The following PCNX2 variants were observed in gnomAD, a reference collection of about 807,000 sequenced individuals.
PCNX2 encodes the protein pecanex-like protein 2.
Under a neutral mutation model 223.8 loss-of-function variants are expected in PCNX2, and 168 were observed. The ratio of observed to expected loss-of-function variants is 0.75; its 90% confidence interval spans 0.66 to 0.85. PCNX2 has a LOEUF of 0.85. Among genes scored for constraint, PCNX2 ranks in the 40% least tolerant of loss-of-function variants. The pLI, the probability that PCNX2 is intolerant of heterozygous loss-of-function variation, is 0.00. For synonymous variants in PCNX2, 1,006 were observed against 1,052.6 expected (o/e 0.96, Z 0.86); for missense variants, 2,507 against 2,675.5 (o/e 0.94, Z 1.39).
At chr1:233,144,190 G>GA (rs552879752) in intron 19 of PCNX2, among the ~76,000 whole-genome samples, 12 of 151,922 alleles carry the variant, frequency 7.9e-5, no homozygotes, top group Admixed American at 1.3e-4. Flanking sequence ...TCAAAAACAT[G>GA]AAAAAAATAC....
At chr1:233,009,117 G>C (rs1385831468) in intron 28 of PCNX2, among the ~76,000 whole-genome samples, 1 of 152,176 alleles carries the variant, frequency 6.6e-6, no homozygotes, top group African/African-American at 2.4e-5. Flanking sequence ...CTGTGTTTCA[G>C]AAATCCCAGC....
chr1:233,300,593 G>T (rs987762769), upstream of PCNX2, among the ~76,000 whole-genome samples: 1 of 152,208 alleles, frequency 6.6e-6, no homozygotes, highest in Non-Finnish European at 1.5e-5. Context: ...GAGTAAGGTA[G>T]CTTTGCAGAG....
intron 19 of PCNX2, among the ~76,000 whole-genome samples, chr1:233,158,126 T>C (rs1226839878): frequency 6.6e-6 from 1 of 152,004 alleles, no homozygotes; most frequent in African/African-American, 2.4e-5. Flanking sequence ...TGATTTTAAT[T>C]TAAATGGGGC....
At chr1:233,207,008 C>CAA (rs142370229) in intron 13 of PCNX2, among the ~76,000 whole-genome samples, 1 of 119,298 alleles carries the variant, frequency 8.4e-6, no homozygotes, top group Non-Finnish European at 1.8e-5. Context: ...GAGACTCCAA[C>CAA]AAAAAAAAAA....
chr1:233,196,611 C>T (rs1680749281), intron 15 of PCNX2, among the ~76,000 whole-genome samples: 1 of 152,014 alleles, frequency 6.6e-6, no homozygotes, highest in Non-Finnish European at 1.5e-5. Context: ...GAAAGATGTT[C>T]AACACTATTC....
chr1:233,189,531 G>A (rs1680300381), intron 15 of PCNX2, among the ~76,000 whole-genome samples: 2 of 152,108 alleles, frequency 1.3e-5, no homozygotes. Context: ...TGAAGGAATT[G>A]CACTAGGAGG....
At chr1:233,177,702 G>T in intron 17 of PCNX2, 100 bp downstream of exon 17, 1 of 1,005,296 alleles carries the variant, frequency 9.9e-7, no homozygotes, top group Non-Finnish European at 1.5e-6. Flanking sequence ...TTCTGTCCTA[G>T]TCCTTCTCAT....
intron 25 of PCNX2, among the ~76,000 whole-genome samples, chr1:233,048,709 C>G (rs1054374626): frequency 6.6e-6 from 1 of 152,012 alleles, no homozygotes; most frequent in Non-Finnish European, 1.5e-5. Context: ...AAAGAGTCAA[C>G]AAAACCAAAA....
intron 5 of PCNX2, 116 bp downstream of exon 5, chr1:233,257,912 A>G (rs1235102915): frequency 1.9e-5 from 26 of 1,361,828 alleles, no homozygotes; most frequent in Non-Finnish European, 2.4e-5. Flanking sequence ...CCAAGCAACA[A>G]ACGATTGCCC....
intron 8 of PCNX2, 64 bp downstream of exon 8, chr1:233,250,675 T>C (rs1659397351): frequency 4.0e-6 from 6 of 1,498,618 alleles, no homozygotes; most frequent in Admixed American, 5.0e-5. Context: ...CCTCACTTTA[T>C]CTTCATCGCT....
chr1:233,041,311 T>A (rs1311863252), intron 25 of PCNX2, among the ~76,000 whole-genome samples: 1 of 152,154 alleles, frequency 6.6e-6, no homozygotes, highest in Non-Finnish European at 1.5e-5. Flanking sequence ...AGGTTGAACA[T>A]CCCAAATTCA....
chr1:233,155,040 C>A (rs1678029780), intron 19 of PCNX2, among the ~76,000 whole-genome samples: 1 of 141,400 alleles, frequency 7.1e-6, no homozygotes, highest in African/African-American at 2.7e-5. Context: ...TGCATTCCAG[C>A]CTGGGCAACA....
At chr1:233,238,567 C>A (rs1014325992) in intron 8 of PCNX2, among the ~76,000 whole-genome samples, 1 of 151,982 alleles carries the variant, frequency 6.6e-6, no homozygotes, top group Admixed American at 6.6e-5. Context: ...GTGGCACATG[C>A]CTGTAGTCCC....
intron 26 of PCNX2, among the ~76,000 whole-genome samples, chr1:233,020,112 C>T (rs371145612): frequency 2.0e-5 from 3 of 152,278 alleles, no homozygotes; most frequent in Non-Finnish European, 2.9e-5. Context: ...ACCCCACAAC[C>T]GATGAAGTCA....
chr1:233,199,545 T>C (rs981544433), intron 14 of PCNX2, among the ~76,000 whole-genome samples: 2 of 152,132 alleles, frequency 1.3e-5, no homozygotes, highest in African/African-American at 4.8e-5. Flanking sequence ...AGCAACCCTA[T>C]GAGGTTATGA....
intron 1 of PCNX2, chr1:233,291,128 G>C (rs982719622): frequency 5.1e-6 from 5 of 975,426 alleles, no homozygotes; most frequent in East Asian, 1.1e-4. Flanking sequence ...CCAAAGACTC[G>C]GATGCTACAG....
chr1:233,088,502 GT>G (rs1049372258), intron 23 of PCNX2, among the ~76,000 whole-genome samples: 4 of 151,738 alleles, frequency 2.6e-5, no homozygotes, highest in South Asian at 2.1e-4. Context: ...AACTGTGGTA[GT>G]TTTTTTTTAC....
intron 7 of PCNX2, among the ~76,000 whole-genome samples, chr1:233,251,820 GTTGAACT>G (rs1161344709): frequency 6.6e-6 from 1 of 152,054 alleles, no homozygotes; most frequent in Non-Finnish European, 1.5e-5. Flanking sequence ...TCCCTTATCC[GTTGAACT>G]TTGAACTTGC....
intron 19 of PCNX2, among the ~76,000 whole-genome samples, chr1:233,155,837 A>C (rs547310934): frequency 6.6e-6 from 1 of 152,340 alleles, no homozygotes; most frequent in East Asian, 1.9e-4. Context: ...ATTCAGGAAA[A>C]TTAATTTGCT....
Sources: gnomAD v4.1 joint callset for allele counts (sites outside exome capture counted in the v4.1 genomes callset) on GRCh38, gnomAD v4.1.1 for gene constraint, MANE v1.5 for transcripts, NCBI Gene and HGNC (gene_info 2026-07-23, HGNC 2026-07-21) for gene names.